Variants in RECQL4 observed in about 807,000 individuals in gnomAD.
RECQL4 encodes ATP-dependent DNA helicase Q4.
A neutral mutation model predicts 128.6 loss-of-function variants in RECQL4; 158 were observed. The observed-to-expected ratio is 1.23, with a 90% CI of 1.08 to 1.40. The LOEUF (loss-of-function observed/expected upper bound fraction) is 1.40. Ranked by LOEUF, RECQL4 falls within the 40% of genes most tolerant of loss-of-function variation. RECQL4 has a pLI of 0.00. For synonymous variants in RECQL4, 996 were observed against 678.9 expected (o/e 1.47, Z -7.26); for missense variants, 2,293 against 1,649.8 (o/e 1.39, Z -6.75).
chr8:144,512,290 G>A lies in RECQL4; in HGVS notation c.3090C>T (p.Phe1030=), dbSNP rs767876394. 8.1e-6 allele frequency: 13 copies of A among 1,612,392 alleles called. No homozygotes were observed. Among genetic ancestry groups the A allele is most frequent in the South Asian group, 3.3e-5 (3 of 91,094 alleles). ...TGCGAAGGTGGAAGGCCAGCTCACT[G>A]AACTCCACAAGCACCCCTGTCCCAC... The part of the protein sequence containing the change: ...VRRGTGVLVE[F]SELAFHLRSP... Residue 1030 remains phenylalanine, a synonymous_variant, in exon 18 of 21, where the codon TTC becomes TTT. Transcript: ENST00000617875.
rs758579262 is a variant in RECQL4, at chr8:144,517,745, A to G, written c.40T>C (p.Trp14Arg). 7.5e-7 allele frequency: 1 copy of G among 1,336,552 alleles called. No individual in the cohort carries two copies. The highest frequency in any genetic ancestry group is 9.6e-7 in the Non-Finnish European group (1 of 1,041,998). 82.8% of individuals were successfully genotyped at this position (1,336,552 alleles called of 1,614,324 possible). ...LRDVRERLQA[W>R]ERAFRRQRGR... ...CGCTGCCGTCGGAACGCGCGCTCCC[A>G]CGCCTGCAGCCGCTCCCGCACGTCC... Residue 14 changes from tryptophan to arginine, a missense_variant, in exon 1 of 21, where the codon TGG (tryptophan) becomes CGG (arginine). By Grantham distance (101) the Trp-to-Arg change is moderately radical (BLOSUM62 -3). Transcript: ENST00000617875.
chr8:144,511,997 G>A lies in RECQL4; in HGVS notation c.3307C>T (p.Leu1103=), dbSNP rs1375576223. The A allele has an allele frequency of 6.2e-7, 1 of 1,610,300 alleles. No homozygotes were observed. Among genetic ancestry groups the A allele is most frequent in the Non-Finnish European group, 8.5e-7 (1 of 1,179,258 alleles). Residue 1103 remains leucine (L), a synonymous_variant, in exon 19 of 21, where the codon CTG becomes TTG. Transcript: ENST00000617875. ...DEERSTRLKD[L]LGRYFEEEEG... Reference sequence around the variant, plus strand: ...TCTTCCTCAAAGTAGCGGCCGAGCAGGTCCTTGAGCCTGGTGCTGCGCTCC... The same window carrying A: ...TCTTCCTCAAAGTAGCGGCCGAGCAAGTCCTTGAGCCTGGTGCTGCGCTCC...
rs778275815 is a variant in RECQL4, at chr8:144,512,950, C to G, written c.2652G>C (p.Gln884His). 2.2e-5 allele frequency: 35 copies of G among 1,573,984 alleles called. No individual in the cohort carries two copies. In the East Asian group the frequency reaches 8.0e-4, roughly 36 times the overall value. The change falls in exon 15 of 21, where the codon CAG (glutamine) becomes CAC (histidine). Residue 884 changes from glutamine (Q) to histidine (H), a missense_variant. Coordinates refer to ENST00000617875, the MANE Select transcript of RECQL4 (RefSeq NM_004260.4). ...GTCCTGGGGCTGCTTGGTGGCTAAGCTGCTCAGCCTCTTGAGGGGGGTACT... is the reference window on the plus strand; with the variant it reads ...GTCCTGGGGCTGCTTGGTGGCTAAGGTGCTCAGCCTCTTGAGGGGGGTACT... ...VPKYPPQEAE[Q>H]LSHQAAPGPR...
chr8:144,511,879 C>G (rs1473178762), intron 19 of RECQL4, 32 bp downstream of exon 19: 1 of 1,609,898 alleles, frequency 6.2e-7, no homozygotes, highest in African/African-American at 1.3e-5. Context: ...AACCTGCAAC[C>G]CCGATGAGCT....
intron 9 of RECQL4, 57 bp from the exon 10 acceptor site, chr8:144,514,582 A>C: frequency 6.5e-7 from 1 of 1,533,206 alleles, no homozygotes; most frequent in East Asian, 2.3e-5. Flanking sequence ...CCCTTCCCCA[A>C]GTCATCCCAG....
chr8:144,515,141 C>A lies in RECQL4; in HGVS notation c.1483+9G>T. 6.4e-7 allele frequency: 1 copy of A among 1,566,918 alleles called. No individual in the cohort carries two copies. The highest frequency in any genetic ancestry group is 8.6e-7 in the Non-Finnish European group (1 of 1,156,982). On this transcript the variant is annotated intron_variant, in intron 8 of 20. Transcript: ENST00000617875. Reference sequence around the variant, plus strand: ...TCAGCCCAGCCTCAGCCCTGGCAGCCACGCTCACCAGACAGGATCCGCATG... The same window carrying A: ...TCAGCCCAGCCTCAGCCCTGGCAGCAACGCTCACCAGACAGGATCCGCATG...
rs1434652198 is a variant in RECQL4, at chr8:144,512,510, C to T, written c.2937G>A (p.Gly979=). ...CAAACTCCACGGAGCTGCTGCCTTG[C>T]CCTGGGTCCTCAGGCAGCTGCTGGG... ...CLAQQLPEDP[G]QGSSSVEFDM... Residue 979 remains glycine, a synonymous_variant, in exon 17 of 21, where the codon GGG becomes GGA. Coordinates refer to ENST00000617875, the MANE Select transcript of RECQL4 (RefSeq NM_004260.4). 3 of 1,612,442 alleles carry T rather than the reference C, an allele frequency of 1.9e-6. No individual in the cohort carries two copies. The highest frequency in any genetic ancestry group is 2.7e-5 in the African/African-American group (2 of 74,942).
At position 144,512,540 on chromosome 8, in the gene RECQL4, G is replaced by C. The variant is rs772780752; in HGVS notation, c.2907C>G (p.Cys969Trp). The change falls in exon 17 of 21, where the codon TGC (cysteine) becomes TGG (tryptophan). Residue 969 changes from cysteine to tryptophan, a missense_variant. Physicochemically the swap from Cys to Trp is radical, Grantham distance 215. Transcript: ENST00000617875. Reference sequence around the variant, plus strand: ...GGTCCTCAGGCAGCTGCTGGGCCAAGCACACAGCCAAAGGGGGACACCTGT... The same window carrying C: ...GGTCCTCAGGCAGCTGCTGGGCCAACCACACAGCCAAAGGGGGACACCTGT... ...LAHRCPPLAV[C>W]LAQQLPEDPG... is the part of the protein sequence containing the mutation. 31 of 1,612,474 alleles carry C rather than the reference G, an allele frequency of 1.9e-5. No individual in the cohort carries two copies. The Admixed American group carries it at 5.0e-4, about 26-fold the overall frequency.
rs1586798501 is a variant in RECQL4 at position 144,512,876 on chromosome 8, G to A, written c.2726C>T (p.Thr909Ile). The A allele has an allele frequency of 1.9e-6, 3 of 1,597,982 alleles. No individual in the cohort carries two copies. The highest frequency in any genetic ancestry group is 1.7e-6 in the Non-Finnish European group (2 of 1,172,412). ...GHERALPIQL[T>I]VQALDMPEEA... ...CTCCGGCATGTCCAAAGCCTGTACG[G>A]TAAGCTGTATTGGGAGTGCCCGCTC... Residue 909 changes from threonine to isoleucine, a missense_variant, in exon 15 of 21, where the codon ACC becomes ATC. Transcript: ENST00000617875.
Position 144,513,563 on chromosome 8 carries a change from T to C in RECQL4, c.2200+8A>G, listed in dbSNP as rs746744670. ...TCCACGGGGACACCAGCTCTGTCCA[T>C]GCCGCACCTCCAGACCCTGGGACCC... On this transcript the variant is annotated splice_region_variant and intron_variant, in intron 13 of 20. Transcript: ENST00000617875. 6.2e-6 allele frequency: 10 copies of C among 1,610,858 alleles called. No individual in the cohort carries two copies. Among genetic ancestry groups the C allele is most frequent in the Middle Eastern group, 1.6e-4 (1 of 6,082 alleles).
In RECQL4 at chr8:144,517,404, G is replaced by A. The variant is rs565610567; in HGVS notation, c.213+10C>T. 95 of 1,561,808 alleles carry A rather than the reference G, an allele frequency of 6.1e-5. 1 individual carries two copies. In the East Asian group the frequency reaches 2.2e-3, roughly 36 times the overall value. On this transcript the variant is annotated intron_variant, in intron 3 of 20. Coordinates refer to ENST00000617875, the MANE Select transcript of RECQL4 (RefSeq NM_004260.4). ...AGTGGGAGGAGGCTGGGGCGGCGGG[G>A]CCTGGGTACCTCTTCGGCCGCCGCG...
rs768991485 is a variant in RECQL4 at position 144,515,852 on chromosome 8, A to G, written c.1170T>C (p.Phe390=). 136 of 1,612,894 alleles carry G rather than the reference A, an allele frequency of 8.4e-5. 3 individuals carry two copies. In the South Asian group the frequency reaches 8.6e-4, roughly 10 times the overall value. The change falls in exon 6 of 21, where the codon TTT becomes TTC. Residue 390 remains phenylalanine, a synonymous_variant. Coordinates refer to ENST00000617875, the MANE Select transcript of RECQL4 (RefSeq NM_004260.4). ...KQKWRKKGEC[F]GGGGATVTTK... is the part of the protein sequence containing the mutation. ...TTGTGACTGTGGCACCACCACCCCCAAAACACTCCCCTTTCTTCCGCCACT... is the reference window on the plus strand; with the variant it reads ...TTGTGACTGTGGCACCACCACCCCCGAAACACTCCCCTTTCTTCCGCCACT...
chr8:144,512,997 C>T lies in RECQL4; in HGVS notation c.2605G>A (p.Gly869Ser), dbSNP rs750282072. The change falls in exon 15 of 21, where the codon GGT becomes AGT. Residue 869 changes from glycine (G) to serine (S), a missense_variant. Gly to Ser is a moderately conservative substitution (Grantham distance 56, BLOSUM62 0). Coordinates refer to ENST00000617875, the MANE Select transcript of RECQL4 (RefSeq NM_004260.4). ...RPPSEQEGAVGGERPVPKYPP... is the reference protein window; with the variant it reads ...RPPSEQEGAVSGERPVPKYPP... ...TACTTGGGCACAGGCCTCTCCCCAC[C>T]CACGGCCCCTTCCTGCTCCGAGGGC... is the stretch of plus-strand genomic sequence containing the variant. 1.0e-5 allele frequency: 16 copies of T among 1,570,414 alleles called. No individual in the cohort carries two copies. The highest frequency in any genetic ancestry group is 1.2e-5 in the South Asian group (1 of 85,912).
At chr8:144,517,660 G>A in intron 1 of RECQL4, 25 bp from the exon 2 acceptor site, 3 of 1,471,094 alleles carry the variant, frequency 2.0e-6, no homozygotes, top group Non-Finnish European at 2.7e-6. Flanking sequence ...CGTCAGCCGC[G>A]GGCCGCGCCC....
In RECQL4 at chr8:144,511,382, T is replaced by C; in HGVS notation, c.*49A>G. 1 of 1,600,914 alleles carries C rather than the reference T, an allele frequency of 6.2e-7. No homozygotes were observed. Among genetic ancestry groups the C allele is most frequent in the Non-Finnish European group, 8.5e-7 (1 of 1,170,088 alleles). On this transcript the variant is annotated 3_prime_UTR_variant, in exon 21 of 21. Transcript: ENST00000617875. The stretch of plus-strand genomic sequence containing the variant: ...TTGCCCAGGTCCTCAGTCACTGCCC[T>C]AGCCTCTGACAACCCCAGCTCTACC...
rs1554902618 is a variant in RECQL4 at position 144,516,222 on chromosome 8, T to C, written c.897A>G (p.Pro299=). Residue 299 remains proline, a synonymous_variant, in exon 5 of 21, where the codon CCA becomes CCG. Transcript: ENST00000617875. ...GTGGCTGTGCCTGTACAGGTTCCCC[T>C]GGAGGGTCTTCCTCAACTGCTACAG... The part of the protein sequence containing the change: ...AGAVAVEEDP[P]GEPVQAQPPQ... 3.1e-6 allele frequency: 5 copies of C among 1,613,078 alleles called. No homozygotes were observed. The African/African-American group carries it at 4.0e-5, about 13-fold the overall frequency.
intron 17 of RECQL4, 33 bp from the exon 18 acceptor site, chr8:144,512,357 G>C (rs760150078): frequency 6.2e-7 from 1 of 1,609,620 alleles, no homozygotes; most frequent in Admixed American, 1.7e-5. Context: ...CAGGCAGGCA[G>C]CGTCCAGGGC....
rs1255402365 is a variant in RECQL4 at position 144,512,179 on chromosome 8, C to T, written c.3201G>A (p.Leu1067=). The change falls in exon 18 of 21, where the codon CTG becomes CTA. Residue 1067 remains leucine, a synonymous_variant. Transcript: ENST00000617875. ...CCTGGAAGGTTCTGCGCAGACGGGC[C>T]AGGGCCTGGCGCTCCCGGGCCTGCA... ...GRVQARERQA[L]ARLRRTFQAF... is the part of the protein sequence containing the mutation. 1.9e-6 allele frequency: 3 copies of T among 1,611,584 alleles called. No homozygotes were observed. Among genetic ancestry groups the T allele is most frequent in the East Asian group, 2.2e-5 (1 of 44,876 alleles).
chr8:144,516,369 C>A lies in RECQL4; in HGVS notation c.750G>T (p.Gly250=), dbSNP rs1480243314. 2 of 1,609,898 alleles carry A rather than the reference C, an allele frequency of 1.2e-6. No individual in the cohort carries two copies. Among genetic ancestry groups the A allele is most frequent in the East Asian group, 4.5e-5 (2 of 44,892 alleles). Residue 250 remains glycine, a synonymous_variant, in exon 5 of 21, where the codon GGG becomes GGT. Transcript: ENST00000617875. The part of the protein sequence containing the change: ...SAFQEVSIRV[G]SPQPSSSGGE... ...CTCCACTGCTGCTGGGCTGGGGGCT[C>A]CCCACACGGATGCTGACTTCTTGGA... is the stretch of plus-strand genomic sequence containing the variant.
Sources: allele counts gnomAD v4.1 joint callset, GRCh38; gene constraint gnomAD v4.1.1; transcripts MANE v1.5; gene names NCBI Gene and HGNC (gene_info 2026-07-23, HGNC 2026-07-21).